Variants in SLC38A9 observed in about 807,000 individuals in gnomAD.
SLC38A9 encodes the protein neutral amino acid transporter 9.
In SLC38A9, 48 loss-of-function variants were observed where a neutral mutation model predicts 62.3. That is an observed-to-expected ratio of 0.77 (90% confidence interval 0.61 to 0.98). The LOEUF (loss-of-function observed/expected upper bound fraction) is 0.98. Among genes scored for constraint, SLC38A9 ranks in the 50% least tolerant of loss-of-function variants. The pLI is 0.00. For synonymous variants in SLC38A9, 204 were observed against 227.7 expected (o/e 0.90, Z 0.94); for missense variants, 541 against 679.8 (o/e 0.80, Z 2.27).
chr5:55,643,173 A>C (rs1366083136), intron 12 of SLC38A9, among the ~76,000 whole-genome samples: 3 of 152,204 alleles, frequency 2.0e-5, no homozygotes, highest in Non-Finnish European at 4.4e-5. Flanking sequence ...GTAGAAAGTT[A>C]GGTTTTTCAG....
rs151149997 is a variant in SLC38A9 at position 55,629,996 on chromosome 5, G to GTAA, written c.1431-2019_1431-2017dup. Among the ~76,000 whole-genome samples, 857 of 152,232 alleles carry GTAA rather than the reference G, an allele frequency of 5.6e-3. 9 individuals carry two copies. Among genetic ancestry groups the GTAA allele is most frequent in the African/African-American group, 0.02 (832 of 41,528 alleles). ...ACAGATGTTACAAAATCATGCATGC[G>GTAA]TAAAAGATCCAAAGTGCACGATAGA... On this transcript the variant is annotated intron_variant, in intron 14 of 15. Transcript: ENST00000396865.
At chr5:55,652,929 G>C (rs1747783782) in intron 9 of SLC38A9, among the ~76,000 whole-genome samples, 1 of 152,138 alleles carries the variant, frequency 6.6e-6, no homozygotes, top group South Asian at 2.1e-4. Flanking sequence ...AAATAAGGGT[G>C]AGGGAATCTT....
rs1343075640 is a variant in SLC38A9 at position 55,678,663 on chromosome 5, T to TG, written c.114-5969_114-5968insC. On this transcript the variant is annotated intron_variant, in intron 3 of 15. Transcript: ENST00000396865. ...AAATGAACTTTTTTTTTTTTTTTTT[T>TG]TTTTTTTTTTTGAGACAGGGTCTTG... 3.6e-5 allele frequency among the ~76,000 whole-genome samples: 5 copies of TG among 139,834 alleles called. 1 individual carries two copies. The highest frequency in any genetic ancestry group is 2.4e-4 in the South Asian group (1 of 4,124). 91.7% of individuals were successfully genotyped at this position (139,834 alleles called of 152,430 possible).
chr5:55,666,616 G>T (rs1750502693), intron 7 of SLC38A9, among the ~76,000 whole-genome samples: 1 of 152,194 alleles, frequency 6.6e-6, no homozygotes, highest in Admixed American at 6.5e-5. Flanking sequence ...GTTTCGGCTG[G>T]GCACGGTGGC....
At chr5:55,670,482 C>T (rs886368075) in intron 4 of SLC38A9, among the ~76,000 whole-genome samples, 5 of 152,046 alleles carry the variant, frequency 3.3e-5, no homozygotes, top group Non-Finnish European at 5.9e-5. Flanking sequence ...GAAAATCTAA[C>T]TAAAAAAGCA....
intron 12 of SLC38A9, among the ~76,000 whole-genome samples, chr5:55,640,559 C>T (rs1297325373): frequency 6.6e-6 from 1 of 152,190 alleles, no homozygotes; most frequent in African/African-American, 2.4e-5. Context: ...GAGCTTCTCA[C>T]AATGGGGCGT....
At chr5:55,691,806 T>G (rs1010591958) in intron 3 of SLC38A9, among the ~76,000 whole-genome samples, 3 of 152,168 alleles carry the variant, frequency 2.0e-5, no homozygotes, top group African/African-American at 7.2e-5. Flanking sequence ...GGGAGGGGTA[T>G]GCAGAATAAA....
chr5:55,686,216 T>C (rs188678878), intron 3 of SLC38A9, among the ~76,000 whole-genome samples: 3 of 152,362 alleles, frequency 2.0e-5, no homozygotes, highest in East Asian at 1.9e-4. Context: ...TCTTCCATAA[T>C]GGCTCAACTA....
intron 3 of SLC38A9, among the ~76,000 whole-genome samples, chr5:55,691,871 C>A (rs189337937): frequency 6.6e-6 from 1 of 152,272 alleles, no homozygotes; most frequent in East Asian, 1.9e-4. Context: ...ATATATTATT[C>A]CCCTATAACA....
chr5:55,678,731 G>T (rs1243666446), intron 3 of SLC38A9, among the ~76,000 whole-genome samples: 1 of 129,114 alleles, frequency 7.7e-6, no homozygotes, highest in African/African-American at 2.9e-5. Flanking sequence ...ATGATCATTG[G>T]CTCACTATTA....
chr5:55,694,485 ATT>A (rs1488460761), intron 3 of SLC38A9, among the ~76,000 whole-genome samples: 1 of 96,606 alleles, frequency 1.0e-5, no homozygotes. Context: ...ACTAAGGACA[ATT>A]CTGTGTGTGT....
chr5:55,639,272 T>TTAAAAAA (rs1391586466), intron 12 of SLC38A9, among the ~76,000 whole-genome samples: 9 of 54,648 alleles, frequency 1.6e-4, no homozygotes, highest in African/African-American at 6.2e-4. Context: ...AAACTCTGTC[T>TTAAAAAA]AAAAAAAAAA....
At chr5:55,632,638 A>G (rs1201813379) in intron 14 of SLC38A9, among the ~76,000 whole-genome samples, 1 of 152,220 alleles carries the variant, frequency 6.6e-6, no homozygotes, top group Non-Finnish European at 1.5e-5. Flanking sequence ...AAAGTGGAAC[A>G]TGGAAACCTT....
chr5:55,654,966 T>A (rs560444159), intron 9 of SLC38A9, among the ~76,000 whole-genome samples: 91 of 152,128 alleles, frequency 6.0e-4, no homozygotes, highest in African/African-American at 2.1e-3. Context: ...GCCTCCCGAG[T>A]AGCTCGGACT....
chr5:55,680,226 T>TAGAGAGAGAG (rs59019385), intron 3 of SLC38A9, among the ~76,000 whole-genome samples: 15 of 151,350 alleles, frequency 9.9e-5, no homozygotes, highest in African/African-American at 3.6e-4. Flanking sequence ...TATATATATA[T>TAGAGAGAGAG]AGAGAGAGAG....
At chr5:55,684,874 G>A (rs543833600) in intron 3 of SLC38A9, among the ~76,000 whole-genome samples, 2 of 152,134 alleles carry the variant, frequency 1.3e-5, no homozygotes, top group African/African-American at 2.4e-5. Flanking sequence ...GGCTAGTCTC[G>A]AACTCCTGAC....
intron 12 of SLC38A9, among the ~76,000 whole-genome samples, chr5:55,639,777 G>C (rs1335545669): frequency 1.3e-5 from 2 of 152,034 alleles, no homozygotes; most frequent in Non-Finnish European, 2.9e-5. Context: ...TAATCAAAAA[G>C]AGAGTATATA....
chr5:55,693,737 G>C (rs2150558991), intron 3 of SLC38A9, among the ~76,000 whole-genome samples: 1 of 152,146 alleles, frequency 6.6e-6, no homozygotes, highest in Admixed American at 6.5e-5. Flanking sequence ...TTCTAATTAA[G>C]GATGAATCTC....
At chr5:55,656,236 AATTT>A (rs978798188) in intron 9 of SLC38A9, among the ~76,000 whole-genome samples, 3 of 149,908 alleles carry the variant, frequency 2.0e-5, no homozygotes, top group African/African-American at 7.4e-5. Flanking sequence ...AAAAAGCTTC[AATTT>A]ATTTTTCCAT....
Sources: allele counts gnomAD v4.1 joint callset (sites outside exome capture counted in the v4.1 genomes callset), GRCh38; gene constraint gnomAD v4.1.1; transcripts MANE v1.5; gene names NCBI Gene and HGNC (gene_info 2026-07-23, HGNC 2026-07-21).